Variants in RHBDD1 observed in about 807,000 individuals in gnomAD.
RHBDD1 encodes rhomboid domain containing 1.
RHBDD1 carries 38 observed loss-of-function variants against 36.3 expected under a neutral mutation model. The observed-to-expected ratio is 1.05, with a 90% CI of 0.81 to 1.37. The LOEUF is 1.37. RHBDD1 is among the 40% of genes most tolerant of loss of function. The probability of loss-of-function intolerance (pLI) is 0.00; values close to 1 mark genes in which losing one functional copy is unlikely to be tolerated. For synonymous variants in RHBDD1, 151 were observed against 136.5 expected, an observed-to-expected ratio of 1.11 and a Z score of -0.74; for missense variants, 393 against 377.6, an observed-to-expected ratio of 1.04 and a Z score of -0.34.
chr2:226,811,872 A>G, the RHBDD1 span, among the ~76,000 whole-genome samples: 2 of 152,202 alleles, frequency 1.3e-5, no homozygotes, highest in African/African-American at 4.8e-5. Flanking sequence ...TTTGACAGTC[A>G]TAGGGTTCAC....
upstream of RHBDD1, among the ~76,000 whole-genome samples, chr2:226,832,933 C>A (rs1193701829): frequency 6.6e-6 from 1 of 152,096 alleles, no homozygotes; most frequent in African/African-American, 2.4e-5. Flanking sequence ...ATTGCTTGAA[C>A]CCGGGAGGCA....
intron 8 of RHBDD1, among the ~76,000 whole-genome samples, chr2:226,965,325 C>A (rs1952538529): frequency 6.6e-6 from 1 of 152,212 alleles, no homozygotes; most frequent in Non-Finnish European, 1.5e-5. Flanking sequence ...CTGCCAACAA[C>A]CTTGATGTCA....
At chr2:226,881,031 C>T (rs1176428365) in intron 5 of RHBDD1, among the ~76,000 whole-genome samples, 1 of 152,176 alleles carries the variant, frequency 6.6e-6, no homozygotes, top group African/African-American at 2.4e-5. Context: ...CACCATTCCA[C>T]ATGGCTGGGG....
chr2:226,878,157 A>G (rs1482845986), intron 5 of RHBDD1, among the ~76,000 whole-genome samples: 2 of 152,184 alleles, frequency 1.3e-5, no homozygotes, highest in Non-Finnish European at 2.9e-5. Flanking sequence ...GAAAGGAAAG[A>G]TGGTTATTTG....
intron 3 of RHBDD1, among the ~76,000 whole-genome samples, chr2:226,840,954 A>G (rs185610421): frequency 1.3e-5 from 2 of 152,224 alleles, no homozygotes; most frequent in East Asian, 3.9e-4. Context: ...TTTTTTAAAA[A>G]TATATTACTG....
chr2:226,887,268 A>C (rs947209567), intron 5 of RHBDD1, among the ~76,000 whole-genome samples: 7 of 151,922 alleles, frequency 4.6e-5, no homozygotes, highest in Admixed American at 3.9e-4. Flanking sequence ...GTCAGTATTT[A>C]TAATATAATT....
At chr2:226,974,022 A>G (rs1351969823) in intron 8 of RHBDD1, among the ~76,000 whole-genome samples, 3 of 152,072 alleles carry the variant, frequency 2.0e-5, no homozygotes, top group African/African-American at 7.2e-5. Flanking sequence ...GCCTTTCCAC[A>G]TGCTTGCCTC....
At chr2:226,893,969 A>G (rs917362289) in intron 5 of RHBDD1, among the ~76,000 whole-genome samples, 3 of 152,146 alleles carry the variant, frequency 2.0e-5, no homozygotes, top group African/African-American at 4.8e-5. Context: ...TTTTGGGGGG[A>G]CATGGATTTA....
At chr2:226,864,546 G>A in intron 3 of RHBDD1, 58 bp from the exon 4 acceptor site, 1 of 670,862 alleles carries the variant, frequency 1.5e-6, no homozygotes. Flanking sequence ...AAGCGAGTAT[G>A]TCTTATATAT....
intron 8 of RHBDD1, among the ~76,000 whole-genome samples, chr2:226,930,992 G>A (rs2149099945): frequency 6.6e-6 from 1 of 152,136 alleles, no homozygotes; most frequent in African/African-American, 2.4e-5. Flanking sequence ...AAAAGCAATA[G>A]ATGTTAGTGT....
intron 5 of RHBDD1, among the ~76,000 whole-genome samples, chr2:226,894,978 G>A (rs1166939595): frequency 6.6e-6 from 1 of 152,198 alleles, no homozygotes; most frequent in Non-Finnish European, 1.5e-5. Context: ...CCTGAAGGGT[G>A]GATGCTTAGC....
chr2:226,871,204 TA>T (rs1360630931), intron 5 of RHBDD1, among the ~76,000 whole-genome samples: 3 of 152,170 alleles, frequency 2.0e-5, no homozygotes, highest in Non-Finnish European at 4.4e-5. Context: ...ATTTTCAATT[TA>T]TTTTTCCACT....
chr2:226,946,099 G>T (rs1950978364), intron 8 of RHBDD1, among the ~76,000 whole-genome samples: 1 of 152,106 alleles, frequency 6.6e-6, no homozygotes, highest in African/African-American at 2.4e-5. Flanking sequence ...CATGTAGGTT[G>T]CCTGTTCACT....
At chr2:226,837,987 T>A (rs1432997047) in intron 1 of RHBDD1, 86 bp from the exon 2 acceptor site, 1 of 152,230 alleles carries the variant, frequency 6.6e-6, no homozygotes, top group African/African-American at 2.4e-5. Context: ...TCTAGATACC[T>A]CCATTTTCAG....
the RHBDD1 span, chr2:226,805,005 G>C: frequency 2.0e-5 from 3 of 152,428 alleles, no homozygotes; most frequent in African/African-American, 7.2e-5. Flanking sequence ...CTGGGTGACA[G>C]AGTGAGACTT....
At chr2:226,891,313 G>T (rs1171941644) in intron 5 of RHBDD1, among the ~76,000 whole-genome samples, 1 of 152,202 alleles carries the variant, frequency 6.6e-6, no homozygotes, top group Non-Finnish European at 1.5e-5. Context: ...GCTGCCCTCA[G>T]TTCGTTGCCA....
chr2:226,811,867 C>A, the RHBDD1 span, among the ~76,000 whole-genome samples: 1 of 152,244 alleles, frequency 6.6e-6, no homozygotes, highest in Admixed American at 6.5e-5. Flanking sequence ...ACAGTTTTGA[C>A]AGTCATAGGG....
At chr2:226,810,337 C>A in the RHBDD1 span, among the ~76,000 whole-genome samples, 307 of 151,812 alleles carry the variant, frequency 2.0e-3, 3 homozygotes, top group Middle Eastern at 0.014. Context: ...GTCAGGAATT[C>A]GAGATCAGCC....
chr2:226,883,426 A>G (rs562855337), intron 5 of RHBDD1, among the ~76,000 whole-genome samples: 2 of 152,358 alleles, frequency 1.3e-5, no homozygotes, highest in East Asian at 1.9e-4. Flanking sequence ...CCTGCTGTCT[A>G]TACATTAGTC....
Sources: gnomAD v4.1 joint callset for allele counts (sites outside exome capture counted in the v4.1 genomes callset) on GRCh38, gnomAD v4.1.1 for gene constraint, MANE v1.5 for transcripts, NCBI Gene and HGNC (gene_info 2026-07-23, HGNC 2026-07-21) for gene names.